The following RAB6A variants were observed in gnomAD, a reference collection of about 807,000 sequenced individuals.
The protein encoded by RAB6A is ras-related protein Rab-6A.
In RAB6A, 8 loss-of-function variants were observed where a neutral mutation model predicts 32.3. The ratio of observed to expected loss-of-function variants is 0.25; its 90% CI spans 0.15 to 0.45. RAB6A has a LOEUF of 0.45. Ranked by LOEUF, RAB6A falls within the 20% of genes least tolerant of loss-of-function variation. The pLI, the probability that RAB6A is intolerant of heterozygous loss-of-function variation, is 1.00. For missense variants in RAB6A, 104 were observed against 249.4 expected (o/e 0.42, Z 3.93); for synonymous variants, 73 against 82.1 (o/e 0.89, Z 0.60).
chr11:73,716,239 A>G lies in RAB6A; in HGVS notation c.401+12T>C, dbSNP rs1170301155. 3.2e-6 allele frequency: 5 copies of G among 1,564,498 alleles called. No homozygotes were observed. In the Admixed American group the frequency reaches 8.5e-5, roughly 27 times the overall value. ...AAATCAAACATTACACACATATAAA[A>G]TAACTCCATACCTCTTGTCAGCAAG... On this transcript the variant is annotated intron_variant, in intron 5 of 7. Coordinates refer to ENST00000336083, the MANE Select transcript of RAB6A (RefSeq NM_198896.2).
rs1946479745 is a variant in RAB6A at position 73,740,678 on chromosome 11, C to G, written c.71-9855G>C. ...CCAAGGCAGGCGGATCACCTGAGGTCAGGAGTTTGAGACTAACCTGGCCAA... is the reference window on the plus strand; with the variant it reads ...CCAAGGCAGGCGGATCACCTGAGGTGAGGAGTTTGAGACTAACCTGGCCAA... On this transcript the variant is annotated intron_variant, in intron 1 of 7. Transcript: ENST00000336083. Among the ~76,000 whole-genome samples the G allele has an allele frequency of 1.3e-5, 2 of 151,934 alleles. 1 individual carries two copies. The highest frequency in any genetic ancestry group is 4.1e-4 in the South Asian group (2 of 4,828).
intron 1 of RAB6A, among the ~76,000 whole-genome samples, chr11:73,753,064 A>C (rs1043148106): frequency 1.3e-5 from 2 of 152,150 alleles, no homozygotes; most frequent in Non-Finnish European, 2.9e-5. Flanking sequence ...GCCTGGCAAC[A>C]CAGCAAGACC....
chr11:73,690,301 T>C (rs1945530044), intron 6 of RAB6A, among the ~76,000 whole-genome samples: 1 of 152,208 alleles, frequency 6.6e-6, no homozygotes, highest in Non-Finnish European at 1.5e-5. Context: ...CTGACACTCA[T>C]CCTTCAGGAC....
rs397744539 is a variant in RAB6A, at chr11:73,707,125, GAAAAAA to G, written c.495+289_495+294del. On this transcript the variant is annotated intron_variant, in intron 6 of 7. Transcript: ENST00000336083. ...AAGAGCGAAACTCCATCTCAAAAAA[GAAAAAA>G]AAAAAAAAAAAGAAAAGAAAATTTA... Among the ~76,000 whole-genome samples the G allele has an allele frequency of 3.7e-3, 432 of 116,286 alleles. 2 individuals are homozygous for G. Among genetic ancestry groups the G allele is most frequent in the Non-Finnish European group, 5.5e-3 (323 of 58,838 alleles). The allele number at this position is 116,286 out of a possible 152,430, so 76.3% of individuals were successfully genotyped here.
chr11:73,704,310 G>C, intron 6 of RAB6A: 1 of 302,978 alleles, frequency 3.3e-6, no homozygotes, highest in Non-Finnish European at 6.9e-6. Flanking sequence ...TTGAGCCTGA[G>C]AGGTCAAGGC....
At chr11:73,721,621 A>T (rs1185792657) in intron 2 of RAB6A, among the ~76,000 whole-genome samples, 2 of 152,210 alleles carry the variant, frequency 1.3e-5, no homozygotes, top group Non-Finnish European at 2.9e-5. Flanking sequence ...TAATTAGGGG[A>T]GATAAATAAA....
chr11:73,757,961 G>C (rs992766447), intron 1 of RAB6A, among the ~76,000 whole-genome samples: 4 of 152,130 alleles, frequency 2.6e-5, no homozygotes, highest in Non-Finnish European at 5.9e-5. Flanking sequence ...TCTTCTGTGG[G>C]AAATAAAAAC....
chr11:73,728,158 T>G (rs1055483773), intron 2 of RAB6A, among the ~76,000 whole-genome samples: 1 of 152,196 alleles, frequency 6.6e-6, no homozygotes, highest in Non-Finnish European at 1.5e-5. Flanking sequence ...GATTACTAAT[T>G]TATTCCTTTT....
At chr11:73,759,946 A>C (rs2135028073) in intron 1 of RAB6A, 1 of 998,550 alleles carries the variant, frequency 1.0e-6, no homozygotes, top group Non-Finnish European at 1.3e-6. Context: ...CAACCACCCC[A>C]TGCTCAAGTC....
At chr11:73,731,711 TATATATATATATATATATATACAC>T (rs1334901718) in intron 1 of RAB6A, among the ~76,000 whole-genome samples, 253 of 22,740 alleles carry the variant, frequency 0.011, 8 homozygotes, top group South Asian at 0.079. Context: ...TATATATATA[TATATATATATATATATATATACAC>T]ACACACACAC....
At chr11:73,731,686 ATATATATATAT>A (rs1565369878) in intron 1 of RAB6A, among the ~76,000 whole-genome samples, 962 of 27,574 alleles carry the variant, frequency 0.035, 53 homozygotes, top group African/African-American at 0.044. Flanking sequence ...GATAGATATT[ATATATATATAT>A]ATATATATAT....
At chr11:73,691,303 G>T (rs1236383351) in intron 6 of RAB6A, among the ~76,000 whole-genome samples, 1 of 152,134 alleles carries the variant, frequency 6.6e-6, no homozygotes, top group Non-Finnish European at 1.5e-5. Flanking sequence ...TTCTCCTGGG[G>T]TCTGCCCTCG....
At chr11:73,728,608 T>TCAAA (rs1946258815) in intron 2 of RAB6A, among the ~76,000 whole-genome samples, 1 of 17,648 alleles carries the variant, frequency 5.7e-5, no homozygotes, top group African/African-American at 1.4e-4. Flanking sequence ...CTGTCTTTGT[T>TCAAA]TAAATAATAA....
chr11:73,699,445 T>C (rs1416457176), intron 6 of RAB6A, among the ~76,000 whole-genome samples: 3 of 152,100 alleles, frequency 2.0e-5, no homozygotes, highest in Non-Finnish European at 4.4e-5. Context: ...TTTTAAATTT[T>C]TATTTATTTT....
Position 73,708,036 on chromosome 11 carries a change from A to G in RAB6A, c.402-523T>C, listed in dbSNP as rs117407931. On this transcript the variant is annotated intron_variant, in intron 5 of 7. Transcript: ENST00000336083. The stretch of plus-strand genomic sequence containing the variant: ...AAACAATTTCTGTCAATTTGCTCCT[A>G]TAATTTATATAACCATTCCCAAACT... 5.1e-3 allele frequency among the ~76,000 whole-genome samples: 783 copies of G among 152,332 alleles called. 5 individuals carry two copies. Among genetic ancestry groups the G allele is most frequent in the Middle Eastern group, 0.014 (4 of 294 alleles).
chr11:73,736,732 C>G (rs1946399137), intron 1 of RAB6A, among the ~76,000 whole-genome samples: 1 of 143,216 alleles, frequency 7.0e-6, no homozygotes, highest in Admixed American at 7.6e-5. Context: ...GCAAAGGTTA[C>G]AGTGAGCCAA....
intron 1 of RAB6A, among the ~76,000 whole-genome samples, chr11:73,759,251 T>C (rs1354162566): frequency 6.6e-6 from 1 of 152,176 alleles, no homozygotes; most frequent in Non-Finnish European, 1.5e-5. Context: ...ATTTTAAAGA[T>C]GGGCATGCAA....
intron 6 of RAB6A, among the ~76,000 whole-genome samples, chr11:73,685,907 A>AAAAAAAAAAC (rs1416175192): frequency 6.7e-6 from 1 of 148,520 alleles, no homozygotes; most frequent in Non-Finnish European, 1.5e-5. Context: ...AAAAAAAAAA[A>AAAAAAAAAAC]AGCAGCTTTA....
chr11:73,700,611 G>GTGTGTGTGTGTGT (rs1945728824), intron 6 of RAB6A, among the ~76,000 whole-genome samples: 1 of 12,296 alleles, frequency 8.1e-5, no homozygotes, highest in African/African-American at 1.8e-4. Flanking sequence ...TGTGTGTGTG[G>GTGTGTGTGTGTGT]GGGGGGGGGG....
Sources: gnomAD v4.1 joint callset for allele counts (sites outside exome capture counted in the v4.1 genomes callset) on GRCh38, gnomAD v4.1.1 for gene constraint, MANE v1.5 for transcripts, NCBI Gene and HGNC (gene_info 2026-07-23, HGNC 2026-07-21) for gene names.